AP3B1: variants seen among roughly 807,000 people sequenced by gnomAD.
AP3B1 encodes AP-3 complex subunit beta-1.
In AP3B1, 61 loss-of-function variants were observed where a neutral mutation model predicts 132.5. The observed-to-expected ratio is 0.46, with a 90% confidence interval of 0.37 to 0.57. The LOEUF is 0.57. Among genes scored for constraint, AP3B1 ranks in the 20% least tolerant of loss-of-function variants. The probability of loss-of-function intolerance (pLI) is 0.00; values close to 1 mark genes in which losing one functional copy is unlikely to be tolerated. For synonymous variants in AP3B1, 388 were observed against 438.3 expected, an observed-to-expected ratio of 0.89 and a Z score of 1.43; for missense variants, 1,120 against 1,289.4, an observed-to-expected ratio of 0.87 and a Z score of 2.01.
At chr5:78,246,159 G>T (rs1747371801) in intron 2 of AP3B1, among the ~76,000 whole-genome samples, 1 of 152,192 alleles carries the variant, frequency 6.6e-6, no homozygotes, top group Non-Finnish European at 1.5e-5. Context: ...TTAAAAGAGT[G>T]ATCATCAGTT....
intron 22 of AP3B1, among the ~76,000 whole-genome samples, chr5:78,076,715 G>T (rs1273549016): frequency 6.6e-6 from 1 of 152,148 alleles, no homozygotes; most frequent in Non-Finnish European, 1.5e-5. Context: ...CAACCATGTG[G>T]CAATATTTCA....
At chr5:78,219,371 A>G (rs1402419152) in intron 6 of AP3B1, among the ~76,000 whole-genome samples, 2 of 152,170 alleles carry the variant, frequency 1.3e-5, no homozygotes, top group African/African-American at 4.8e-5. Context: ...AGAGAAACTT[A>G]TTAATTTTAA....
chr5:78,144,172 T>G (rs1753283976), intron 14 of AP3B1, among the ~76,000 whole-genome samples: 2 of 152,168 alleles, frequency 1.3e-5, no homozygotes, highest in East Asian at 1.9e-4. Context: ...ACTTTCATTA[T>G]GAAGCTCTGC....
chr5:78,266,982 A>G (rs889775924), intron 2 of AP3B1, among the ~76,000 whole-genome samples: 1 of 152,192 alleles, frequency 6.6e-6, no homozygotes, highest in Non-Finnish European at 1.5e-5. Context: ...TAGAATCCTC[A>G]TAACTTATTA....
At chr5:78,117,643 T>C (rs886799470) in intron 17 of AP3B1, among the ~76,000 whole-genome samples, 2 of 152,154 alleles carry the variant, frequency 1.3e-5, no homozygotes, top group Non-Finnish European at 2.9e-5. Context: ...GCTGACACAA[T>C]AAATACTAAT....
rs527284801 is a variant in AP3B1 at position 78,103,700 on chromosome 5, T to A, written c.2398-2675A>T. On this transcript the variant is annotated intron_variant, in intron 20 of 26. Transcript: ENST00000255194. The stretch of plus-strand genomic sequence containing the variant: ...GAATCTCACCACAAAAAATACCTAG[T>A]TATCAATTCATCATCCTCAAATCTC... Among the ~76,000 whole-genome samples, 12 of 152,282 alleles carry A rather than the reference T, an allele frequency of 7.9e-5. No homozygotes were observed. In the East Asian group the frequency reaches 2.1e-3, roughly 27 times the overall value.
chr5:78,072,767 G>A (rs546194996), intron 22 of AP3B1, among the ~76,000 whole-genome samples: 3 of 123,158 alleles, frequency 2.4e-5, no homozygotes, highest in African/African-American at 9.6e-5. Context: ...TGTCACCCAG[G>A]CTGGAGTGCA....
chr5:78,037,673 G>C (rs548082047), intron 23 of AP3B1, among the ~76,000 whole-genome samples: 1 of 152,286 alleles, frequency 6.6e-6, no homozygotes, highest in Admixed American at 6.5e-5. Flanking sequence ...AGAGTTATGT[G>C]AAACAATGAG....
intron 3 of AP3B1, among the ~76,000 whole-genome samples, chr5:78,240,421 T>C (rs1021117653): frequency 3.3e-5 from 5 of 152,208 alleles, no homozygotes; most frequent in African/African-American, 9.7e-5. Context: ...ACTGAGTGCT[T>C]AGTACATGTC....
chr5:78,089,365 G>A (rs773726542), intron 22 of AP3B1, 28 bp downstream of exon 22: 12 of 1,491,380 alleles, frequency 8.0e-6, no homozygotes, highest in East Asian at 6.8e-5. Context: ...TAAGAAAACC[G>A]AGCTGGTGGA....
chr5:78,163,654 C>T (rs548718465), intron 12 of AP3B1, among the ~76,000 whole-genome samples: 21 of 138,274 alleles, frequency 1.5e-4, no homozygotes, highest in African/African-American at 5.1e-4. Flanking sequence ...TATATATATA[C>T]ACACACACAC....
intron 17 of AP3B1, among the ~76,000 whole-genome samples, chr5:78,124,557 A>G (rs1752382446): frequency 6.6e-6 from 1 of 152,192 alleles, no homozygotes; most frequent in African/African-American, 2.4e-5. Flanking sequence ...CCTGGGTGAC[A>G]GAGCAAAATC....
rs1156612078 is a variant in AP3B1 at position 78,113,651 on chromosome 5, C to T, written c.2249+101G>A. The T allele has an allele frequency of 1.4e-5, 19 of 1,356,690 alleles. No homozygotes were observed. In the South Asian group the frequency reaches 1.6e-4, roughly 11 times the overall value. The allele number at this position is 1,356,690 out of a possible 1,614,324, so 84.0% of individuals were successfully genotyped here. On this transcript the variant is annotated intron_variant, in intron 19 of 26. Transcript: ENST00000255194. ...TTTAATATCTGGAAAAAAATACACA[C>T]TTTTTTTCTCTCACCATTTTTTGAT...
chr5:78,235,649 C>T (rs1580525339), intron 3 of AP3B1, among the ~76,000 whole-genome samples: 1 of 152,194 alleles, frequency 6.6e-6, no homozygotes, highest in Admixed American at 6.6e-5. Context: ...GTTAAAGCTC[C>T]GTGACTACAT....
In AP3B1 at chr5:78,031,831, C is replaced by T. The variant is rs74972811; in HGVS notation, c.2894+2530G>A. Among the ~76,000 whole-genome samples the T allele has an allele frequency of 5.5e-3, 830 of 152,242 alleles. 3 individuals are homozygous for T. The highest frequency in any genetic ancestry group is 0.019 in the African/African-American group (795 of 41,536). On this transcript the variant is annotated intron_variant, in intron 24 of 26. Coordinates refer to ENST00000255194, the MANE Select transcript of AP3B1 (RefSeq NM_003664.5). ...CTAATGGCATCTGTTCTTATATTTT[C>T]AGTGTTCATTCACTATTAAAGAATG...
intron 14 of AP3B1, among the ~76,000 whole-genome samples, chr5:78,146,967 A>C (rs12188208): frequency 0.18 from 27,327 of 151,926 alleles, 2,777 homozygotes; most frequent in Admixed American, 0.27. Context: ...TATTCACTGG[A>C]TATACTCCTA....
intron 11 of AP3B1, 106 bp from the exon 12 acceptor site, chr5:78,165,778 C>T (rs1743591397): frequency 1.1e-6 from 1 of 889,748 alleles, no homozygotes; most frequent in Middle Eastern, 3.3e-4. Flanking sequence ...TTTTAAAAAT[C>T]ACATTGTCAG....
chr5:78,243,626 G>A (rs888012540), intron 2 of AP3B1, among the ~76,000 whole-genome samples: 6 of 152,186 alleles, frequency 3.9e-5, no homozygotes, highest in Non-Finnish European at 8.8e-5. Flanking sequence ...GAAGTGCTGA[G>A]GTGGAGGTGG....
intron 21 of AP3B1, among the ~76,000 whole-genome samples, chr5:78,095,940 C>T (rs1015483869): frequency 9.9e-5 from 15 of 152,170 alleles, no homozygotes; most frequent in Admixed American, 6.5e-5. Context: ...GATCAAAGTT[C>T]CCTTAAAATT....
Sources: allele counts gnomAD v4.1 joint callset (sites outside exome capture counted in the v4.1 genomes callset), GRCh38; gene constraint gnomAD v4.1.1; transcripts MANE v1.5; gene names NCBI Gene and HGNC (gene_info 2026-07-23, HGNC 2026-07-21).